AFAP1L1: variants seen among roughly 807,000 people sequenced by gnomAD.
The protein encoded by AFAP1L1 is actin filament associated protein 1 like 1, also known as actin filament-associated protein 1-like 1.
In AFAP1L1, 77 loss-of-function variants were observed where a neutral mutation model predicts 99.8. The ratio of observed to expected loss-of-function variants is 0.77; its 90% CI spans 0.64 to 0.93. AFAP1L1 has a LOEUF of 0.93. AFAP1L1 is among the 40% of genes least tolerant of loss of function. AFAP1L1 has a pLI of 0.00. For synonymous variants in AFAP1L1, 373 were observed against 395.3 expected, an observed-to-expected ratio of 0.94 and a Z score of 0.67; for missense variants, 893 against 996.8, an observed-to-expected ratio of 0.90 and a Z score of 1.40.
chr5:149,326,795 T>G (rs1044558670), intron 15 of AFAP1L1, among the ~76,000 whole-genome samples: 1 of 151,916 alleles, frequency 6.6e-6, no homozygotes, highest in African/African-American at 2.4e-5. Flanking sequence ...AACAGGAGAT[T>G]AGGAAAAGAG....
chr5:149,299,375 C>A, intron 1 of AFAP1L1, 134 bp from the exon 2 acceptor site: 6 of 1,217,530 alleles, frequency 4.9e-6, no homozygotes, highest in Non-Finnish European at 6.8e-6. Flanking sequence ...AGCTGAGAGC[C>A]CCCAGGTCCG....
At position 149,317,792 on chromosome 5, in the gene AFAP1L1, C is replaced by G; in HGVS notation, c.1331C>G (p.Thr444Ser). 1.2e-6 allele frequency: 2 copies of G among 1,614,066 alleles called. No homozygotes were observed. Among genetic ancestry groups the G allele is most frequent in the Non-Finnish European group, 1.7e-6 (2 of 1,179,990 alleles). ...KERWCRLKCN[T>S]LYFHKDHMDL... ...CGCTGGTGCCGCCTGAAGTGCAACA[C>G]TCTGTATTTCCACAAGGATCACATG... The change falls in exon 12 of 19, where the codon ACT becomes AGT. Residue 444 changes from threonine to serine, a missense_variant. By Grantham distance (58) the Thr-to-Ser change is moderately conservative. Transcript: ENST00000296721.
intron 1 of AFAP1L1, chr5:149,276,732 C>G (rs933181772): frequency 1.3e-5 from 2 of 152,226 alleles, no homozygotes; most frequent in Non-Finnish European, 2.9e-5. Context: ...GCTTCTTCCA[C>G]AAGCTACTCC....
chr5:149,281,508 G>A (rs1581287839), intron 1 of AFAP1L1, among the ~76,000 whole-genome samples: 1 of 152,264 alleles, frequency 6.6e-6, no homozygotes, highest in East Asian at 1.9e-4. Flanking sequence ...TGTTTTATGT[G>A]TGTATGAGTC....
chr5:149,335,587 T>A lies in AFAP1L1; in HGVS notation c.2155-7T>A. 1.2e-6 allele frequency: 2 copies of A among 1,611,976 alleles called. No homozygotes were observed. The highest frequency in any genetic ancestry group is 1.7e-6 in the Non-Finnish European group (2 of 1,179,890). ...TCACCTATATAATTATTTATTGCCA[T>A]CAACAGGAAACTGCAAATAAACCCC... is the stretch of plus-strand genomic sequence containing the variant. On this transcript the variant is annotated splice_region_variant and splice_polypyrimidine_tract_variant and intron_variant, in intron 17 of 18. Transcript: ENST00000296721.
intron 3 of AFAP1L1, among the ~76,000 whole-genome samples, 195 bp downstream of exon 3, chr5:149,300,549 A>G (rs1351851788): frequency 6.6e-6 from 1 of 152,262 alleles, no homozygotes; most frequent in Non-Finnish European, 1.5e-5. Flanking sequence ...AATTCAGCTC[A>G]GAGACTTGAG....
chr5:149,320,091 T>C lies in AFAP1L1; in HGVS notation c.1626-300T>C, dbSNP rs1487174236. 6.6e-6 allele frequency among the ~76,000 whole-genome samples: 1 copy of C among 152,184 alleles called. No homozygotes were observed. Among genetic ancestry groups the C allele is most frequent in the Non-Finnish European group, 1.5e-5 (1 of 68,020 alleles). On this transcript the variant is annotated intron_variant, in intron 13 of 18. Transcript: ENST00000296721. The surrounding 1 kb of genome is among the most constrained non-coding windows in gnomAD (Gnocchi z 4.0). ...GAGCCAAGTTCGAGTCCCAGCTCAG[T>C]CACCACCAGCAGTGGAAGCTTGCAC...
At chr5:149,293,818 G>A (rs116494556) in intron 1 of AFAP1L1, among the ~76,000 whole-genome samples, 6,865 of 152,256 alleles carry the variant, frequency 0.045, 189 homozygotes, top group Middle Eastern at 0.082. Context: ...CCAGCCCTAT[G>A]CGGTTGGGAT....
chr5:149,329,484 G>C (rs1450478103), intron 15 of AFAP1L1, among the ~76,000 whole-genome samples, 182 bp from the exon 16 acceptor site: 1 of 152,204 alleles, frequency 6.6e-6, no homozygotes, highest in Admixed American at 6.5e-5. Context: ...CGTGTGCCCT[G>C]TGGCCTCCCT....
chr5:149,301,280 G>A (rs1756201660), intron 4 of AFAP1L1, 50 bp downstream of exon 4: 12 of 1,559,878 alleles, frequency 7.7e-6, no homozygotes, highest in Non-Finnish European at 1.1e-5. Context: ...TCCCTCTGGA[G>A]GAGGCAAGGG....
intron 1 of AFAP1L1, among the ~76,000 whole-genome samples, chr5:149,299,041 T>C (rs1756102569): frequency 1.3e-5 from 2 of 152,204 alleles, no homozygotes; most frequent in South Asian, 4.1e-4. Context: ...TTCCAGAGAT[T>C]GAAGCACATG....
At chr5:149,323,018 C>G (rs1430416082) in intron 15 of AFAP1L1, among the ~76,000 whole-genome samples, 1 of 152,042 alleles carries the variant, frequency 6.6e-6, no homozygotes, top group Non-Finnish European at 1.5e-5. Context: ...GCAGATGATC[C>G]CTATGCAGCA....
chr5:149,274,673 G>C (rs1388413420), intron 1 of AFAP1L1, among the ~76,000 whole-genome samples: 1 of 152,194 alleles, frequency 6.6e-6, no homozygotes, highest in Non-Finnish European at 1.5e-5. Flanking sequence ...GAGGTCAGGA[G>C]TTCGAGACCA....
rs116689917 is a variant in AFAP1L1 at position 149,313,548 on chromosome 5, A to G, written c.1020+1344A>G. 8.5e-3 allele frequency among the ~76,000 whole-genome samples: 1,291 copies of G among 152,324 alleles called. 26 individuals are homozygous for G. The highest frequency in any genetic ancestry group is 0.03 in the African/African-American group (1,227 of 41,582). On this transcript the variant is annotated intron_variant, in intron 9 of 18. Coordinates refer to ENST00000296721, the MANE Select transcript of AFAP1L1 (RefSeq NM_152406.4). ...CCAGACAGTCTAGTTCTTGATGACC[A>G]TGCTGCCCCTCCTCTCAAGGCCAGG... is the stretch of plus-strand genomic sequence containing the variant.
chr5:149,291,551 GAA>G (rs1451900794), intron 1 of AFAP1L1, among the ~76,000 whole-genome samples: 1 of 50,142 alleles, frequency 2.0e-5, no homozygotes, highest in African/African-American at 8.5e-5. Flanking sequence ...AAAAAAAAAA[GAA>G]AGAAAGAAGA....
Position 149,289,119 on chromosome 5 carries a change from G to A in AFAP1L1, c.17-10390G>A, listed in dbSNP as rs1755775825. 2.0e-5 allele frequency among the ~76,000 whole-genome samples: 3 copies of A among 152,186 alleles called. No individual in the cohort carries two copies. The South Asian group carries it at 6.2e-4, about 32-fold the overall frequency. On this transcript the variant is annotated intron_variant, in intron 1 of 18. Transcript: ENST00000296721. ...TTTCTAAGCCCCTTCTTACAGAAGA[G>A]GAAGATGATTCTGAGGGGGTTAAAT...
chr5:149,286,013 G>A (rs1351709997), intron 1 of AFAP1L1, among the ~76,000 whole-genome samples: 1 of 152,130 alleles, frequency 6.6e-6, no homozygotes, highest in Admixed American at 6.6e-5. Context: ...AGTGGACATC[G>A]AACAAGTCAT....
chr5:149,284,013 T>C (rs1003959977), intron 1 of AFAP1L1, among the ~76,000 whole-genome samples: 2 of 152,122 alleles, frequency 1.3e-5, no homozygotes, highest in African/African-American at 4.8e-5. Context: ...AAAGAGAATA[T>C]ATAAAGGACC....
At chr5:149,296,143 C>T (rs1159099229) in intron 1 of AFAP1L1, among the ~76,000 whole-genome samples, 1 of 152,128 alleles carries the variant, frequency 6.6e-6, no homozygotes, top group Middle Eastern at 3.2e-3. Context: ...AAGCAATCCT[C>T]CCACCCCAGT....
Sources: allele counts gnomAD v4.1 joint callset (sites outside exome capture counted in the v4.1 genomes callset), GRCh38; gene constraint gnomAD v4.1.1; non-coding constraint Gnocchi (gnomAD v3.1); transcripts MANE v1.5; gene names NCBI Gene and HGNC (gene_info 2026-07-23, HGNC 2026-07-21).